RALGAPB: variants seen among roughly 807,000 people sequenced by gnomAD.
RALGAPB encodes the protein ral GTPase-activating protein subunit beta.
A neutral mutation model predicts 161.1 loss-of-function variants in RALGAPB; 25 were observed. That is an observed-to-expected ratio of 0.16 (90% CI 0.11 to 0.22). The LOEUF (loss-of-function observed/expected upper bound fraction) is 0.22, where lower values mean the gene tolerates loss of function less well. RALGAPB is among the 10% of genes least tolerant of loss of function. RALGAPB has a pLI of 1.00. For synonymous variants in RALGAPB, 629 were observed against 626.1 expected (o/e 1.00, Z -0.07); for missense variants, 1,391 against 1,815.2 (o/e 0.77, Z 4.25).
chr20:38,541,116 G>T lies in RALGAPB; in HGVS notation c.2638G>T (p.Val880Phe), dbSNP rs748127998. The change falls in exon 18 of 30, where the codon GTC becomes TTC. Residue 880 changes from valine (V) to phenylalanine (F), a missense_variant. Val to Phe is a conservative substitution (Grantham distance 50). This residue lies in a region of RALGAPB where 946 missense variants were observed against 1,257.2 expected (regional missense o/e 0.75). Coordinates refer to ENST00000262879, the MANE Select transcript of RALGAPB (RefSeq NM_020336.4). The stretch of plus-strand genomic sequence containing the variant: ...TAAGTCCAAGAACAATGAGCAAGAG[G>T]TCAAGTACAAAGGAGATAAGGAGCC... ...GSKSKNNEQE[V>F]KYKGDKEPNP... The T allele has an allele frequency of 2.5e-6, 4 of 1,613,980 alleles. No homozygotes were observed. In the Admixed American group the frequency reaches 5.0e-5, roughly 20 times the overall value.
intron 16 of RALGAPB, among the ~76,000 whole-genome samples, chr20:38,536,328 A>G (rs1452795336): frequency 1.3e-5 from 2 of 152,150 alleles, no homozygotes; most frequent in African/African-American, 4.8e-5. Flanking sequence ...TTATGATTGG[A>G]TAATATTTCA....
rs932150891 is a variant in RALGAPB, at chr20:38,488,716, A to C, written c.186+98A>C. 1.9e-5 allele frequency: 23 copies of C among 1,188,122 alleles called. No homozygotes were observed. The Admixed American group carries it at 5.2e-4, about 27-fold the overall frequency. 73.6% of individuals were successfully genotyped at this position (1,188,122 alleles called of 1,614,324 possible). ...CTTTTTTGTTCTTTTTTCTTTGAAA[A>C]GAGCTGTAGTAGAATAACGTCAACT... On this transcript the variant is annotated intron_variant, in intron 2 of 29. Transcript: ENST00000262879.
chr20:38,563,342 A>G (rs1032058912), intron 24 of RALGAPB, among the ~76,000 whole-genome samples: 1 of 152,200 alleles, frequency 6.6e-6, no homozygotes, highest in Admixed American at 6.5e-5. Context: ...TGTTTTGTCT[A>G]ATAAGTAGTT....
At position 38,493,140 on chromosome 20, in the gene RALGAPB, A is replaced by G. The variant is rs764121966; in HGVS notation, c.389+8A>G. ...GAATCTTTTTGTACCAAGGTAAGCT[A>G]TACCTGTCTATCTGGCCCATTATCA... On this transcript the variant is annotated splice_region_variant and intron_variant, in intron 3 of 29. Transcript: ENST00000262879. 3 of 1,574,156 alleles carry G rather than the reference A, an allele frequency of 1.9e-6. No individual in the cohort carries two copies. The highest frequency in any genetic ancestry group is 2.6e-6 in the Non-Finnish European group (3 of 1,147,150).
At chr20:38,475,545 T>G (rs2084777763) in intron 1 of RALGAPB, among the ~76,000 whole-genome samples, 1 of 152,226 alleles carries the variant, frequency 6.6e-6, no homozygotes, top group African/African-American at 2.4e-5. Context: ...TAAAGATTTT[T>G]TTTTGTATAG....
intron 24 of RALGAPB, among the ~76,000 whole-genome samples, 174 bp downstream of exon 24, chr20:38,562,871 T>G (rs1601065138): frequency 6.6e-6 from 1 of 151,360 alleles, no homozygotes; most frequent in South Asian, 2.1e-4. Context: ...AGGCTAGGAG[T>G]TCAAGACCAG....
Position 38,541,065 on chromosome 20 carries a change from A to G in RALGAPB, c.2587A>G (p.Ile863Val), listed in dbSNP as rs1487724894. The part of the protein sequence containing the change: ...EKDCLKEVLE[I>V]VELGISGSKS... ...GGACTGCCTTAAGGAAGTACTGGAG[A>G]TTGTGGAACTGGGTATCTCAGGAAG... is the stretch of plus-strand genomic sequence containing the variant. The change falls in exon 18 of 30, where the codon ATT becomes GTT. Residue 863 changes from isoleucine (I) to valine (V), a missense_variant. Physicochemically the swap from Ile to Val is conservative, Grantham distance 29. This residue lies in a region of RALGAPB where 946 missense variants were observed against 1,257.2 expected (regional missense o/e 0.75). Transcript: ENST00000262879. 6.2e-7 allele frequency: 1 copy of G among 1,614,036 alleles called. No individual in the cohort carries two copies.
At chr20:38,563,340 C>G (rs1376276146) in intron 24 of RALGAPB, among the ~76,000 whole-genome samples, 2 of 152,068 alleles carry the variant, frequency 1.3e-5, no homozygotes, top group Non-Finnish European at 2.9e-5. Context: ...CATGTTTTGT[C>G]TAATAAGTAG....
At chr20:38,547,273 G>A (rs776040350) in intron 19 of RALGAPB, 1 of 152,060 alleles carries the variant, frequency 6.6e-6, no homozygotes, top group African/African-American at 2.4e-5. Flanking sequence ...CAGCCAGTAT[G>A]TAAAAGAAGC....
At position 38,488,532 on chromosome 20, in the gene RALGAPB, G is replaced by A; in HGVS notation, c.100G>A (p.Ala34Thr). Reference protein sequence around the residue: ...SYPESVGREVANAVVRPLGQV... With the variant: ...SYPESVGREVTNAVVRPLGQV... ...TCCAGAGAGCGTTGGACGAGAGGTG[G>A]CAAATGCTGTAGTCCGTCCTCTTGG... is the stretch of plus-strand genomic sequence containing the variant. The change falls in exon 2 of 30, where the codon GCA becomes ACA. Residue 34 changes from alanine (A) to threonine (T), a missense_variant. Physicochemically the swap from Ala to Thr is moderately conservative, Grantham distance 58 (BLOSUM62 0). Around this residue, in one of 3 missense-constraint regions of RALGAPB, gnomAD observed 946 missense variants for 1,257.2 expected, o/e 0.75. Transcript: ENST00000262879. 1.2e-6 allele frequency: 2 copies of A among 1,614,186 alleles called. No homozygotes were observed. The highest frequency in any genetic ancestry group is 1.7e-5 in the Admixed American group (1 of 60,026).
chr20:38,474,769 C>A lies in RALGAPB; in HGVS notation c.-31+1700C>A, dbSNP rs535329176. On this transcript the variant is annotated intron_variant, in intron 1 of 29. Coordinates refer to ENST00000262879, the MANE Select transcript of RALGAPB (RefSeq NM_020336.4). ...TTCTAGATTATGAGAAGCTTTAGGG[C>A]AGGGACTATGTTTTCTTCATCTCTG... Among the ~76,000 whole-genome samples the A allele has an allele frequency of 3.3e-5, 5 of 152,270 alleles. No individual in the cohort carries two copies. In the East Asian group the frequency reaches 9.6e-4, roughly 29 times the overall value.
chr20:38,524,809 A>T lies in RALGAPB; in HGVS notation c.1651A>T (p.Ile551Leu), dbSNP rs1162339387. The T allele has an allele frequency of 1.2e-6, 2 of 1,610,276 alleles. No homozygotes were observed. Among genetic ancestry groups the T allele is most frequent in the Non-Finnish European group, 1.7e-6 (2 of 1,176,568 alleles). Residue 551 changes from isoleucine to leucine, a missense_variant, in exon 11 of 30, where the codon ATA becomes TTA. Around this residue, in one of 3 missense-constraint regions of RALGAPB, gnomAD observed 946 missense variants for 1,257.2 expected, o/e 0.75. Transcript: ENST00000262879. ...FYMLLIQGLQ[I>L]NDYVCHPVLA... ...CATGCTTTTAATTCAAGGTTTGCAGATAAATGATTATGTGTGCCATCCTGT... is the reference window on the plus strand; with the variant it reads ...CATGCTTTTAATTCAAGGTTTGCAGTTAAATGATTATGTGTGCCATCCTGT...
chr20:38,559,452 T>C (rs1176265522), intron 23 of RALGAPB, among the ~76,000 whole-genome samples: 2 of 152,180 alleles, frequency 1.3e-5, no homozygotes, highest in Non-Finnish European at 2.9e-5. Flanking sequence ...CCCAGCACTT[T>C]GGGAGGCCGA....
chr20:38,482,251 G>C (rs2084991015), intron 1 of RALGAPB, among the ~76,000 whole-genome samples: 1 of 152,090 alleles, frequency 6.6e-6, no homozygotes, highest in African/African-American at 2.4e-5. Flanking sequence ...TCTGCATGTT[G>C]AGTAGGCTGA....
chr20:38,548,925 T>C, intron 20 of RALGAPB, 130 bp downstream of exon 20: 1 of 714,958 alleles, frequency 1.4e-6, no homozygotes, highest in Non-Finnish European at 2.4e-6. Context: ...AGTGGGTTCA[T>C]ATCAGAATCA....
At chr20:38,527,035 T>C (rs532808303) in intron 13 of RALGAPB, among the ~76,000 whole-genome samples, 12 of 152,276 alleles carry the variant, frequency 7.9e-5, no homozygotes, top group Admixed American at 5.2e-4. Context: ...CACTGAACCA[T>C]GTGAATGCAA....
chr20:38,520,394 C>T (rs2086251678), intron 9 of RALGAPB: 1 of 268,374 alleles, frequency 3.7e-6, no homozygotes, highest in Non-Finnish European at 5.7e-6. Context: ...AAGAAAAATA[C>T]TTTTCTGTGT....
At chr20:38,527,058 C>A (rs2086492322) in intron 13 of RALGAPB, among the ~76,000 whole-genome samples, 1 of 152,062 alleles carries the variant, frequency 6.6e-6, no homozygotes, top group Non-Finnish European at 1.5e-5. Flanking sequence ...ACCATCCCAG[C>A]CCACAAACCT....
chr20:38,527,067 C>T (rs544764812), intron 13 of RALGAPB, among the ~76,000 whole-genome samples: 13 of 152,030 alleles, frequency 8.6e-5, no homozygotes, highest in Non-Finnish European at 1.8e-4. Context: ...GCCCACAAAC[C>T]TGGGTGGCAG....
Sources: allele counts gnomAD v4.1 joint callset (sites outside exome capture counted in the v4.1 genomes callset), GRCh38; gene constraint gnomAD v4.1.1; regional missense constraint gnomAD v4.1.1; transcripts MANE v1.5; gene names NCBI Gene and HGNC (gene_info 2026-07-23, HGNC 2026-07-21).